HYCC2: variants seen among roughly 807,000 people sequenced by gnomAD.
HYCC2 encodes the protein hyccin PI4KA lipid kinase complex subunit 2, also known as hyccin 2.
chr2:201,036,075 C>T, the HYCC2 span, among the ~76,000 whole-genome samples: 1 of 152,110 alleles, frequency 6.6e-6, no homozygotes, highest in Non-Finnish European at 1.5e-5. Flanking sequence ...CCACCGATCC[C>T]ACAGAAATAC....
chr2:201,025,774 G>C, the HYCC2 span, among the ~76,000 whole-genome samples: 3 of 152,022 alleles, frequency 2.0e-5, no homozygotes, highest in African/African-American at 7.2e-5. Context: ...TAGGAAGTTA[G>C]AAGGCCAGGC....
At chr2:201,010,059 G>A in the HYCC2 span, among the ~76,000 whole-genome samples, 2 of 148,426 alleles carry the variant, frequency 1.3e-5, no homozygotes, top group East Asian at 4.0e-4. Flanking sequence ...AGCTGAGATC[G>A]CGCCACTGCA....
the HYCC2 span, among the ~76,000 whole-genome samples, chr2:201,008,777 AGTCCT>A: frequency 6.6e-6 from 1 of 152,174 alleles, no homozygotes; most frequent in Non-Finnish European, 1.5e-5. Context: ...GTACACCTGT[AGTCCT>A]AGCTACTTGG....
the HYCC2 span, chr2:201,008,873 A>G: frequency 1.3e-6 from 1 of 752,470 alleles, no homozygotes; most frequent in South Asian, 1.7e-5. Context: ...ACTACATTCC[A>G]GCCTGGGTGA....
chr2:200,973,845 T>C, the HYCC2 span: 5 of 152,140 alleles, frequency 3.3e-5, no homozygotes, highest in African/African-American at 1.2e-4. Flanking sequence ...ATCTAAGATA[T>C]GTTTCTGCAT....
chr2:200,992,891 C>T, the HYCC2 span: 3 of 1,569,338 alleles, frequency 1.9e-6, no homozygotes, highest in Non-Finnish European at 2.6e-6. Flanking sequence ...ACTTACATGG[C>T]ATAATAAACC....
At chr2:201,057,654 CACTT>C in the HYCC2 span, among the ~76,000 whole-genome samples, 1 of 152,070 alleles carries the variant, frequency 6.6e-6, no homozygotes, top group Non-Finnish European at 1.5e-5. Flanking sequence ...ACACCCATGG[CACTT>C]ACTTCTACTA....
the HYCC2 span, among the ~76,000 whole-genome samples, chr2:201,036,549 G>A: frequency 6.6e-6 from 1 of 152,208 alleles, no homozygotes; most frequent in African/African-American, 2.4e-5. Context: ...TATCCACCAT[G>A]ATCAAGTGGG....
the HYCC2 span, among the ~76,000 whole-genome samples, chr2:201,035,414 T>A: frequency 2.0e-5 from 3 of 152,368 alleles, no homozygotes; most frequent in African/African-American, 7.2e-5. Flanking sequence ...GGCTTGTGCA[T>A]TCGTCACGTC....
the HYCC2 span, among the ~76,000 whole-genome samples, chr2:201,046,881 T>C: frequency 6.6e-6 from 1 of 152,162 alleles, no homozygotes; most frequent in Non-Finnish European, 1.5e-5. Context: ...TTCTTTCATA[T>C]ACAAAGTCTG....
At chr2:201,022,575 T>C in the HYCC2 span, 1 of 287,668 alleles carries the variant, frequency 3.5e-6, no homozygotes, top group South Asian at 6.1e-5. Flanking sequence ...AAATAAATAA[T>C]CCACTGAGAT....
At chr2:200,995,817 T>C in the HYCC2 span, among the ~76,000 whole-genome samples, 2 of 152,200 alleles carry the variant, frequency 1.3e-5, no homozygotes, top group African/African-American at 4.8e-5. Flanking sequence ...AAATAATAGA[T>C]GTGTGATGTT....
the HYCC2 span, among the ~76,000 whole-genome samples, chr2:201,041,904 AT>A: frequency 2.6e-5 from 4 of 152,164 alleles, no homozygotes; most frequent in Non-Finnish European, 5.9e-5. Context: ...CTAAAAATAT[AT>A]TTTAGTACCT....
the HYCC2 span, among the ~76,000 whole-genome samples, chr2:201,038,037 A>G: frequency 6.6e-6 from 1 of 152,214 alleles, no homozygotes; most frequent in South Asian, 2.1e-4. Flanking sequence ...AACTCAAACA[A>G]ATTTACAAGA....
At chr2:201,023,747 T>C in the HYCC2 span, 2 of 394,790 alleles carry the variant, frequency 5.1e-6, no homozygotes, top group African/African-American at 4.1e-5. Context: ...TTCATCTTTA[T>C]GTATCACCTT....
the HYCC2 span, among the ~76,000 whole-genome samples, chr2:201,024,765 C>T: frequency 5.3e-5 from 8 of 152,114 alleles, no homozygotes; most frequent in South Asian, 4.2e-4. Flanking sequence ...TGAATATAAA[C>T]ATATATGCAC....
chr2:201,048,846 C>T, the HYCC2 span, among the ~76,000 whole-genome samples: 1 of 152,070 alleles, frequency 6.6e-6, no homozygotes, highest in African/African-American at 2.4e-5. Flanking sequence ...ATACATAAAG[C>T]AGCAGGGCAT....
the HYCC2 span, among the ~76,000 whole-genome samples, chr2:201,050,269 C>T: frequency 8.1e-5 from 12 of 147,430 alleles, no homozygotes; most frequent in Admixed American, 1.3e-4. Flanking sequence ...CAGTATAAAA[C>T]GGACACATTT....
At chr2:201,059,651 C>T in the HYCC2 span, among the ~76,000 whole-genome samples, 3 of 152,274 alleles carry the variant, frequency 2.0e-5, no homozygotes, top group Admixed American at 6.5e-5. Context: ...CCCCTTCTCC[C>T]TCTTAAGCCT....
Sources: allele counts gnomAD v4.1 joint callset (sites outside exome capture counted in the v4.1 genomes callset), GRCh38; gene constraint gnomAD v4.1.1; transcripts MANE v1.5; gene names NCBI Gene and HGNC (gene_info 2026-07-23, HGNC 2026-07-21).